KALRN: variants seen among roughly 807,000 people sequenced by gnomAD.
The protein encoded by KALRN is kalirin RhoGEF kinase.
KALRN carries 70 observed loss-of-function variants against 353.7 expected under a neutral mutation model. The observed-to-expected ratio is 0.20, with a 90% CI of 0.16 to 0.24. KALRN has a LOEUF of 0.24. KALRN is among the 10% of genes least tolerant of loss of function. KALRN has a pLI of 1.00. For missense variants in KALRN, 2,791 were observed against 3,756.7 expected (o/e 0.74, Z 6.72); for synonymous variants, 1,391 against 1,434.8 (o/e 0.97, Z 0.69).
chr3:124,300,826 AAC>A (rs1233519594), intron 6 of KALRN, among the ~76,000 whole-genome samples: 1 of 152,242 alleles, frequency 6.6e-6, no homozygotes, highest in Admixed American at 6.5e-5. Flanking sequence ...TCTTGGCCAC[AAC>A]ACAGTCTTGT....
chr3:124,666,825 G>A (rs969910700), intron 46 of KALRN, among the ~76,000 whole-genome samples, 187 bp from the exon 47 acceptor site: 1 of 152,184 alleles, frequency 6.6e-6, no homozygotes, highest in African/African-American at 2.4e-5. Context: ...CCAGTCTCTG[G>A]CATGATCCTG....
intron 1 of KALRN, among the ~76,000 whole-genome samples, chr3:124,210,579 TG>T (rs1429801300): frequency 6.6e-6 from 1 of 152,162 alleles, no homozygotes; most frequent in Admixed American, 6.5e-5. Flanking sequence ...TCATCTTATC[TG>T]GCTCGTTTAT....
rs1203021726 is a variant in KALRN, at chr3:124,404,168, A to AAAAAAAAAG, written c.2346+5298_2346+5299insAAAAAAAGA. On this transcript the variant is annotated intron_variant, in intron 13 of 59. Coordinates refer to ENST00000682506, the MANE Select transcript of KALRN (RefSeq NM_001388419.1). Reference sequence around the variant, plus strand: ...CTGCTCTCTGGAAAAAAAAAAAAAAAAGAGAGAACTAGTCTGCTCCCTCTT... The same window carrying AAAAAAAAAG: ...CTGCTCTCTGGAAAAAAAAAAAAAAAAAAAAAAAGAGAGAGAACTAGTCTGCTCCCTCTT... Among the ~76,000 whole-genome samples the AAAAAAAAAG allele has an allele frequency of 2.0e-5, 3 of 148,912 alleles. No individual in the cohort carries two copies. In the East Asian group the frequency reaches 5.8e-4, roughly 29 times the overall value.
At chr3:124,108,871 A>G (rs2062570666) in intron 1 of KALRN, among the ~76,000 whole-genome samples, 1 of 152,216 alleles carries the variant, frequency 6.6e-6, no homozygotes, top group South Asian at 2.1e-4. Flanking sequence ...CAAAATGCGT[A>G]TGTACACATA....
chr3:124,346,332 C>G (rs974844461), intron 9 of KALRN, among the ~76,000 whole-genome samples: 2 of 152,084 alleles, frequency 1.3e-5, no homozygotes, highest in Admixed American at 6.5e-5. Flanking sequence ...TATTTTCCAC[C>G]CTTCTTAGCA....
chr3:124,273,692 A>T (rs1175813679), intron 5 of KALRN, among the ~76,000 whole-genome samples: 1 of 152,228 alleles, frequency 6.6e-6, no homozygotes, highest in African/African-American at 2.4e-5. Flanking sequence ...ATGTTCAGAG[A>T]AGAGGGAACA....
At chr3:124,390,132 G>A (rs530758049) in intron 11 of KALRN, among the ~76,000 whole-genome samples, 2 of 152,156 alleles carry the variant, frequency 1.3e-5, no homozygotes, top group Admixed American at 6.5e-5. Flanking sequence ...GCATTGACCC[G>A]AGTCCTCATT....
intron 3 of KALRN, among the ~76,000 whole-genome samples, chr3:124,262,747 C>A (rs2073045759): frequency 6.6e-6 from 1 of 152,054 alleles, no homozygotes; most frequent in African/African-American, 2.4e-5. Flanking sequence ...AGAATAAAGC[C>A]CCCCAAAAAG....
At chr3:124,287,129 G>T (rs1306716973) in intron 5 of KALRN, among the ~76,000 whole-genome samples, 2 of 152,012 alleles carry the variant, frequency 1.3e-5, no homozygotes, top group Non-Finnish European at 2.9e-5. Flanking sequence ...TGTTTCTGGG[G>T]TCACAAATGA....
chr3:124,165,668 C>T (rs527871504), intron 1 of KALRN, among the ~76,000 whole-genome samples: 21 of 152,356 alleles, frequency 1.4e-4, no homozygotes, highest in African/African-American at 5.0e-4. Flanking sequence ...TCTTTATTAG[C>T]ATAGCTCCTG....
intron 1 of KALRN, among the ~76,000 whole-genome samples, chr3:124,195,853 T>G (rs1430332694): frequency 1.3e-5 from 2 of 152,232 alleles, no homozygotes; most frequent in African/African-American, 4.8e-5. Context: ...CAAACTCACC[T>G]GCACTCTAGT....
At chr3:124,476,687 T>C (rs1396462758) in intron 26 of KALRN, among the ~76,000 whole-genome samples, 1 of 152,188 alleles carries the variant, frequency 6.6e-6, no homozygotes, top group African/African-American at 2.4e-5. Context: ...GGAACCATTG[T>C]TTAGCCTCTG....
At chr3:124,700,153 A>G in intron 56 of KALRN, 120 bp downstream of exon 56, 1 of 904,686 alleles carries the variant, frequency 1.1e-6, no homozygotes. Context: ...CTTTTAGAGG[A>G]CTAAGAAGAA....
At position 124,471,098 on chromosome 3, in the gene KALRN, A is replaced by G. The variant is rs79288197; in HGVS notation, c.4032-3565A>G. Among the ~76,000 whole-genome samples, 1,494 of 152,150 alleles carry G rather than the reference A, an allele frequency of 9.8e-3. 22 individuals carry two copies. Among genetic ancestry groups the G allele is most frequent in the African/African-American group, 0.034 (1,420 of 41,494 alleles). On this transcript the variant is annotated intron_variant, in intron 25 of 59. Coordinates refer to ENST00000682506, the MANE Select transcript of KALRN (RefSeq NM_001388419.1). ...GTCTCCAGGAGTGGGGAAGAGGGTC[A>G]GATACATGTTTACCAAAGAGAATAT...
At chr3:124,586,856 T>C (rs946963799) in intron 34 of KALRN, among the ~76,000 whole-genome samples, 1 of 151,964 alleles carries the variant, frequency 6.6e-6, no homozygotes, top group Non-Finnish European at 1.5e-5. Context: ...AGTTAGCCAC[T>C]CTCCAAAGAA....
chr3:124,414,656 TG>T (rs1394191771), intron 14 of KALRN, among the ~76,000 whole-genome samples: 1 of 152,184 alleles, frequency 6.6e-6, no homozygotes, highest in Non-Finnish European at 1.5e-5. Context: ...GAGAGCACCA[TG>T]GTGATCTTGA....
intron 10 of KALRN, among the ~76,000 whole-genome samples, chr3:124,380,648 T>C (rs2087225807): frequency 6.6e-6 from 1 of 152,206 alleles, no homozygotes; most frequent in Admixed American, 6.5e-5. Context: ...CAGAGCAAGG[T>C]CAGACTCTGG....
chr3:124,196,452 A>G (rs932714108), intron 1 of KALRN, among the ~76,000 whole-genome samples: 3 of 152,192 alleles, frequency 2.0e-5, no homozygotes, highest in Non-Finnish European at 4.4e-5. Flanking sequence ...GGCAGCAGTG[A>G]CAGCCAGGAA....
chr3:124,521,385 G>A (rs1008731300), intron 33 of KALRN, among the ~76,000 whole-genome samples: 8 of 152,306 alleles, frequency 5.3e-5, no homozygotes, highest in African/African-American at 1.9e-4. Flanking sequence ...AGATCATTGA[G>A]ATCAACTGAT....
Sources: gnomAD v4.1 joint callset for allele counts (sites outside exome capture counted in the v4.1 genomes callset) on GRCh38, gnomAD v4.1.1 for gene constraint, MANE v1.5 for transcripts, NCBI Gene and HGNC (gene_info 2026-07-23, HGNC 2026-07-21) for gene names.